The following TRAK2 variants were observed in gnomAD, a reference collection of about 807,000 sequenced individuals.
TRAK2 encodes trafficking kinesin-binding protein 2.
TRAK2 carries 81 observed loss-of-function variants against 104.6 expected under a neutral mutation model. That is an observed-to-expected ratio of 0.77 (90% CI 0.65 to 0.93). The LOEUF is 0.93. Ranked by LOEUF, TRAK2 falls within the 40% of genes least tolerant of loss-of-function variation. TRAK2 has a pLI of 0.00. For missense variants in TRAK2, 1,002 were observed against 1,089.0 expected (o/e 0.92, Z 1.12); for synonymous variants, 406 against 394.4 (o/e 1.03, Z -0.35).
chr2:201,390,708 C>T (rs1180060353), intron 10 of TRAK2, among the ~76,000 whole-genome samples: 3 of 151,430 alleles, frequency 2.0e-5, no homozygotes, highest in Non-Finnish European at 4.4e-5. Context: ...CTAGTGTTGA[C>T]AGTGATTCTG....
At position 201,398,155 on chromosome 2, in the gene TRAK2, A is replaced by G; in HGVS notation, c.680T>C (p.Leu227Pro). ...TTAGGTTGAACGTACCTTGGATCGA[A>G]GAGCCATATTCTCTTCTTCCAGTTC... ...LKELEEENMA[L>P]RSKACHIKTE... is the part of the protein sequence containing the mutation. Residue 227 changes from leucine (L) to proline (P), a missense_variant, in exon 6 of 16, where the codon CTT (leucine) becomes CCT (proline). Coordinates refer to ENST00000332624, the MANE Select transcript of TRAK2 (RefSeq NM_015049.3). The G allele has an allele frequency of 6.2e-7, 1 of 1,613,490 alleles. No individual in the cohort carries two copies. Among genetic ancestry groups the G allele is most frequent in the East Asian group, 2.2e-5 (1 of 44,868 alleles).
In TRAK2 at chr2:201,397,650, A is replaced by C; in HGVS notation, c.691-70T>G. ...TATAGAAATAACTACAAAAACCTTT[A>C]ATTCTCATTTGAAGACTAAATTTCA... On this transcript the variant is annotated intron_variant, in intron 6 of 15. Transcript: ENST00000332624. 4 of 1,148,232 alleles carry C rather than the reference A, an allele frequency of 3.5e-6. 1 individual carries two copies. The highest frequency in any genetic ancestry group is 2.2e-4 in the Middle Eastern group (1 of 4,636). The allele number at this position is 1,148,232 out of a possible 1,614,324, so 71.1% of individuals were successfully genotyped here.
At chr2:201,445,505 T>C (rs1192756148) in intron 1 of TRAK2, among the ~76,000 whole-genome samples, 1 of 152,188 alleles carries the variant, frequency 6.6e-6, no homozygotes, top group Non-Finnish European at 1.5e-5. Context: ...GAAAATAAGA[T>C]AGTACCAGAT....
At chr2:201,446,632 T>G (rs1214315709) in intron 1 of TRAK2, among the ~76,000 whole-genome samples, 1 of 152,260 alleles carries the variant, frequency 6.6e-6, no homozygotes, top group Non-Finnish European at 1.5e-5. Context: ...AAAGACAGAC[T>G]GAGTTTGAAT....
intron 1 of TRAK2, among the ~76,000 whole-genome samples, chr2:201,450,955 T>TG (rs1952027443): frequency 6.6e-6 from 1 of 152,322 alleles, no homozygotes; most frequent in African/African-American, 2.4e-5. Flanking sequence ...GAAAGAGCTC[T>TG]TTCCAATACC....
At chr2:201,402,206 T>C (rs1319289736) in intron 3 of TRAK2, among the ~76,000 whole-genome samples, 1 of 152,120 alleles carries the variant, frequency 6.6e-6, no homozygotes, top group African/African-American at 2.4e-5. Context: ...AGGTATGAAA[T>C]GATTCTGACT....
chr2:201,403,882 T>C (rs1008020280), intron 3 of TRAK2, among the ~76,000 whole-genome samples: 5 of 152,182 alleles, frequency 3.3e-5, no homozygotes, highest in African/African-American at 4.8e-5. Context: ...CAAATTCTTA[T>C]GTCGAATGCG....
chr2:201,434,811 A>G (rs918668435), intron 1 of TRAK2, among the ~76,000 whole-genome samples: 6 of 152,200 alleles, frequency 3.9e-5, no homozygotes, highest in African/African-American at 1.4e-4. Context: ...ATTAGCTAAT[A>G]TTTATACATC....
chr2:201,432,845 A>G (rs1404869708), intron 1 of TRAK2, among the ~76,000 whole-genome samples: 1 of 152,216 alleles, frequency 6.6e-6, no homozygotes, highest in Non-Finnish European at 1.5e-5. Flanking sequence ...TACACTGGAA[A>G]TATATTCAAA....
chr2:201,407,263 C>T, intron 3 of TRAK2, 140 bp downstream of exon 3: 1 of 702,546 alleles, frequency 1.4e-6, no homozygotes, highest in Non-Finnish European at 2.3e-6. Flanking sequence ...AGAATTATCT[C>T]TTCCTGTGAA....
chr2:201,394,549 C>T (rs1396595662), intron 9 of TRAK2, among the ~76,000 whole-genome samples: 2 of 152,068 alleles, frequency 1.3e-5, no homozygotes, highest in African/African-American at 4.8e-5. Flanking sequence ...CCATGTTGGC[C>T]AGGCTGGTCT....
Position 201,380,665 on chromosome 2 carries a change from T to C in TRAK2, c.2623A>G (p.Asn875Asp), listed in dbSNP as rs752330276. ...CCACCTAATAAACTGCTACCTGAAT[T>C]TAAATAAACAGCAGAATCTGGTTTT... ...PQKPDSAVYL[N>D]SGSSLLGGLR... The change falls in exon 16 of 16, where the codon AAT becomes GAT. Residue 875 changes from asparagine (N) to aspartate (D), a missense_variant. Transcript: ENST00000332624. 6 of 1,613,908 alleles carry C rather than the reference T, an allele frequency of 3.7e-6. No individual in the cohort carries two copies. Among genetic ancestry groups the C allele is most frequent in the African/African-American group, 1.3e-5 (1 of 74,888 alleles).
chr2:201,383,179 T>C (rs2125639540), intron 15 of TRAK2, among the ~76,000 whole-genome samples: 1 of 152,368 alleles, frequency 6.6e-6, no homozygotes, highest in South Asian at 2.1e-4. Flanking sequence ...TTCTAGCCTA[T>C]GTAGTAAATA....
chr2:201,429,049 A>G (rs1951817928), intron 1 of TRAK2, among the ~76,000 whole-genome samples: 1 of 152,340 alleles, frequency 6.6e-6, no homozygotes, highest in African/African-American at 2.4e-5. Flanking sequence ...AGTTGCTTAC[A>G]GCTTAAGGAG....
intron 1 of TRAK2, among the ~76,000 whole-genome samples, chr2:201,435,062 T>C (rs10427323): frequency 2.0e-5 from 3 of 152,082 alleles, no homozygotes; most frequent in African/African-American, 7.2e-5. Flanking sequence ...GATTTCTTTC[T>C]TTTTTTTAAT....
intron 2 of TRAK2, among the ~76,000 whole-genome samples, chr2:201,419,643 G>A (rs1332449775): frequency 1.3e-5 from 2 of 152,154 alleles, no homozygotes; most frequent in Non-Finnish European, 2.9e-5. Flanking sequence ...TGGTTACACT[G>A]AATGCATATT....
chr2:201,410,849 G>C (rs930237065), intron 2 of TRAK2: 3 of 1,598,162 alleles, frequency 1.9e-6, no homozygotes, highest in African/African-American at 2.7e-5. Flanking sequence ...TGTTGGGTTG[G>C]CTTCGCACCA....
At chr2:201,442,278 C>G (rs1457935010) in intron 1 of TRAK2, among the ~76,000 whole-genome samples, 1 of 151,488 alleles carries the variant, frequency 6.6e-6, no homozygotes, top group Non-Finnish European at 1.5e-5. Context: ...GTAGTCCCAG[C>G]TACTCGGGAG....
At chr2:201,395,916 C>G (rs967612039) in intron 7 of TRAK2, among the ~76,000 whole-genome samples, 5 of 152,152 alleles carry the variant, frequency 3.3e-5, no homozygotes, top group African/African-American at 1.2e-4. Context: ...CAATCTATAA[C>G]AGAATGTGAT....
Sources: allele counts gnomAD v4.1 joint callset (sites outside exome capture counted in the v4.1 genomes callset), GRCh38; gene constraint gnomAD v4.1.1; transcripts MANE v1.5; gene names NCBI Gene and HGNC (gene_info 2026-07-23, HGNC 2026-07-21).